Variants in PAPPA2 observed in about 807,000 individuals in gnomAD.
The protein encoded by PAPPA2 is pappalysin-2.
PAPPA2 carries 86 observed loss-of-function variants against 176.4 expected under a neutral mutation model. The observed-to-expected ratio is 0.49, with a 90% CI of 0.41 to 0.58. The LOEUF (loss-of-function observed/expected upper bound fraction) is 0.58. Ranked by LOEUF, PAPPA2 falls within the 20% of genes least tolerant of loss-of-function variation. The probability of loss-of-function intolerance (pLI) is 0.00; values close to 1 mark genes in which losing one functional copy is unlikely to be tolerated. For synonymous variants in PAPPA2, 809 were observed against 852.2 expected, an observed-to-expected ratio of 0.95 and a Z score of 0.88; for missense variants, 2,073 against 2,256.9, an observed-to-expected ratio of 0.92 and a Z score of 1.65.
chr1:176,569,147 TACACACCCACCC>T (rs571657960), intron 2 of PAPPA2, among the ~76,000 whole-genome samples: 123 of 152,262 alleles, frequency 8.1e-4, no homozygotes, highest in African/African-American at 2.7e-3. Flanking sequence ...CAGATATACA[TACACACCCACCC>T]ACACACCCAC....
chr1:176,819,997 C>T (rs1046203618), intron 21 of PAPPA2, among the ~76,000 whole-genome samples: 1 of 152,138 alleles, frequency 6.6e-6, no homozygotes, highest in Admixed American at 6.5e-5. Flanking sequence ...GGGTAACTTT[C>T]CTTCAGAAGC....
At chr1:176,780,431 G>T (rs1664661250) in intron 17 of PAPPA2, among the ~76,000 whole-genome samples, 1 of 152,124 alleles carries the variant, frequency 6.6e-6, no homozygotes, top group Non-Finnish European at 1.5e-5. Context: ...CTCCCCAACA[G>T]TAGGTAGAAA....
chr1:176,844,203 TG>T lies in PAPPA2; in HGVS notation c.*1751del, dbSNP rs1357277142. 1 of 152,134 alleles carries T rather than the reference TG, an allele frequency of 6.6e-6. No individual in the cohort carries two copies. The highest frequency in any genetic ancestry group is 1.9e-4 in the East Asian group (1 of 5,182). 9.4% of individuals were successfully genotyped at this position (152,134 alleles called of 1,614,324 possible). A position where few individuals can be genotyped will look rare whatever the true frequency, so the allele number is the denominator to read the frequency against. ...GTCTCCTTTAAAGTTTCTTCTCCAA[TG>T]GAAACCAAGAACAGACAAAATTTAG... On this transcript the variant is annotated 3_prime_UTR_variant, in exon 23 of 23. Transcript: ENST00000367662.
chr1:176,782,009 G>T (rs1224430158), intron 17 of PAPPA2, among the ~76,000 whole-genome samples: 1 of 152,152 alleles, frequency 6.6e-6, no homozygotes, highest in African/African-American at 2.4e-5. Context: ...TCTTTTTAGG[G>T]ATATTCTAAA....
Position 176,556,404 on chromosome 1 carries a change from T to G in PAPPA2, c.82T>G (p.Trp28Gly). The G allele has an allele frequency of 6.2e-7, 1 of 1,614,198 alleles. No individual in the cohort carries two copies. The highest frequency in any genetic ancestry group is 8.5e-7 in the Non-Finnish European group (1 of 1,180,036). ...CTGTTCTGCCAACTCTGAGCTGGGC[T>G]GGACACGCAAGAAATCCTTGGTTGA... ...ALCSANSELG[W>G]TRKKSLVERE... The change falls in exon 2 of 23, where the codon TGG (tryptophan) becomes GGG (glycine). Residue 28 changes from tryptophan (W) to glycine (G), a missense_variant. Physicochemically the swap from Trp to Gly is radical, Grantham distance 184. Transcript: ENST00000367662.
chr1:176,791,433 C>T lies in PAPPA2; in HGVS notation c.4971C>T (p.Pro1657=). 1.2e-6 allele frequency: 2 copies of T among 1,613,932 alleles called. No homozygotes were observed. The highest frequency in any genetic ancestry group is 1.7e-6 in the Non-Finnish European group (2 of 1,179,852). The change falls in exon 19 of 23, where the codon CCC becomes CCT. Residue 1657 remains proline, a synonymous_variant. Coordinates refer to ENST00000367662, the MANE Select transcript of PAPPA2 (RefSeq NM_020318.3). ...TGCAAGGAGAATGCCCACCACCCCC[C>T]TCAGAGCTGAATTCTGTGGAGTACA... ...ENLQGECPPP[P]SELNSVEYKC...
intron 21 of PAPPA2, among the ~76,000 whole-genome samples, chr1:176,839,596 C>A (rs1030878397): frequency 6.6e-6 from 1 of 152,086 alleles, no homozygotes; most frequent in Non-Finnish European, 1.5e-5. Context: ...TTCATAGCAC[C>A]CAAGGACTAC....
intron 1 of PAPPA2, among the ~76,000 whole-genome samples, chr1:176,521,806 C>T (rs893528090): frequency 6.6e-6 from 1 of 152,114 alleles, no homozygotes; most frequent in Non-Finnish European, 1.5e-5. Context: ...TGAGGAATGC[C>T]TTCGAGAAAC....
At chr1:176,657,460 A>G (rs1186698932) in intron 3 of PAPPA2, among the ~76,000 whole-genome samples, 1 of 151,930 alleles carries the variant, frequency 6.6e-6, no homozygotes, top group East Asian at 1.9e-4. Flanking sequence ...GCCATTTTTG[A>G]AAGGTTAGTC....
chr1:176,808,552 A>C (rs1326406218), intron 21 of PAPPA2, among the ~76,000 whole-genome samples: 2 of 152,234 alleles, frequency 1.3e-5, no homozygotes, highest in Non-Finnish European at 2.9e-5. Context: ...GAATTGTTTT[A>C]AAATTATAGT....
intron 7 of PAPPA2, among the ~76,000 whole-genome samples, chr1:176,698,037 G>A (rs1179561201): frequency 6.6e-6 from 1 of 152,216 alleles, no homozygotes; most frequent in Non-Finnish European, 1.5e-5. Flanking sequence ...TTAATAATAT[G>A]TGTTTCTATT....
At chr1:176,731,663 GTGTACATATATGTGTATATATACATATA>G (rs1662150315) in intron 12 of PAPPA2, among the ~76,000 whole-genome samples, 1 of 151,280 alleles carries the variant, frequency 6.6e-6, no homozygotes, top group Admixed American at 6.7e-5. Flanking sequence ...ATATGTGTGT[GTGTACATATATGTGTATATATACATATA>G]TGTGTACATA....
At chr1:176,532,232 G>T (rs1316097552) in intron 1 of PAPPA2, among the ~76,000 whole-genome samples, 4 of 152,186 alleles carry the variant, frequency 2.6e-5, no homozygotes, top group Non-Finnish European at 5.9e-5. Context: ...TGGGCCCAAA[G>T]TTCAGTGAAT....
rs1655070766 is a variant in PAPPA2, at chr1:176,613,920, G to A, written c.1991+18325G>A. ...AGGCTGCAGGCTTGGTGACCAAACA[G>A]CATCTCTTTTTGCAGTTGGCATGGA... On this transcript the variant is annotated intron_variant, in intron 3 of 22. Transcript: ENST00000367662. Among the ~76,000 whole-genome samples the A allele has an allele frequency of 2.6e-5, 4 of 152,152 alleles. No homozygotes were observed. The South Asian group carries it at 8.3e-4, about 32-fold the overall frequency.
intron 12 of PAPPA2, among the ~76,000 whole-genome samples, chr1:176,722,885 A>G (rs559059140): frequency 2.7e-4 from 41 of 152,316 alleles, no homozygotes; most frequent in African/African-American, 8.9e-4. Flanking sequence ...AATATATGTC[A>G]GTTAGCTACA....
At chr1:176,585,923 A>G (rs1340480486) in intron 2 of PAPPA2, among the ~76,000 whole-genome samples, 1 of 152,044 alleles carries the variant, frequency 6.6e-6, no homozygotes, top group African/African-American at 2.4e-5. Context: ...CTTAATATCT[A>G]TCTCTTATAT....
chr1:176,681,447 G>A (rs1659580974), intron 4 of PAPPA2, among the ~76,000 whole-genome samples: 1 of 152,164 alleles, frequency 6.6e-6, no homozygotes, highest in South Asian at 2.1e-4. Context: ...TCCAGATGAA[G>A]TGATTCTTGA....
intron 3 of PAPPA2, among the ~76,000 whole-genome samples, chr1:176,638,641 C>A (rs540574267): frequency 6.6e-6 from 1 of 151,876 alleles, no homozygotes; most frequent in Non-Finnish European, 1.5e-5. Flanking sequence ...ATGAACAGGC[C>A]GGAGTGCTGG....
chr1:176,684,474 T>C (rs1198273890), intron 4 of PAPPA2, among the ~76,000 whole-genome samples: 3 of 152,082 alleles, frequency 2.0e-5, no homozygotes, highest in Admixed American at 6.6e-5. Flanking sequence ...TTTCTTCCTG[T>C]TTCAATGTGT....
Sources: gnomAD v4.1 joint callset for allele counts (sites outside exome capture counted in the v4.1 genomes callset) on GRCh38, gnomAD v4.1.1 for gene constraint, MANE v1.5 for transcripts, NCBI Gene and HGNC (gene_info 2026-07-23, HGNC 2026-07-21) for gene names.